The following RNF213 variants were observed in gnomAD, a reference collection of about 807,000 sequenced individuals.
RNF213 encodes the protein ring finger protein 213.
In RNF213, 341 loss-of-function variants were observed where a neutral mutation model predicts 514.4. That is an observed-to-expected ratio of 0.66 (90% CI 0.61 to 0.73). The LOEUF is 0.73. RNF213 is among the 30% of genes least tolerant of loss of function. The probability of loss-of-function intolerance (pLI) is 0.00; values close to 1 mark genes in which losing one functional copy is unlikely to be tolerated. For synonymous variants in RNF213, 2,655 were observed against 2,658.2 expected, an observed-to-expected ratio of 1.00 and a Z score of 0.04; for missense variants, 5,767 against 6,615.6, an observed-to-expected ratio of 0.87 and a Z score of 4.45.
At chr17:80,265,737 A>G (rs1184105540) in intron 2 of RNF213, among the ~76,000 whole-genome samples, 1 of 152,194 alleles carries the variant, frequency 6.6e-6, no homozygotes, top group Non-Finnish European at 1.5e-5. Flanking sequence ...TTAAAATGAA[A>G]GCTGAGCTTC....
At position 80,353,115 on chromosome 17, in the gene RNF213, G is replaced by T; in HGVS notation, c.10423+56G>T. ...CAGGTGGTGGAAGGGCAGATGGCAG[G>T]TGTGGAGCGTGGCGTGCACATGGCA... On this transcript the variant is annotated intron_variant, in intron 33 of 67. Coordinates refer to ENST00000582970, the MANE Select transcript of RNF213 (RefSeq NM_001256071.3). The surrounding 1 kb of genome is among the most constrained non-coding windows in gnomAD (Gnocchi z 5.0). The T allele has an allele frequency of 1.2e-6, 2 of 1,602,946 alleles. No homozygotes were observed. The highest frequency in any genetic ancestry group is 2.2e-5 in the South Asian group (2 of 91,056).
At chr17:80,341,543 G>C (rs999826124) in intron 26 of RNF213, 2 of 152,102 alleles carry the variant, frequency 1.3e-5, no homozygotes, top group Non-Finnish European at 2.9e-5. Context: ...AGCAGACCAC[G>C]TATATGACCA....
intron 57 of RNF213, chr17:80,382,399 CAATAAT>C (rs2080051856): frequency 6.3e-6 from 1 of 158,146 alleles, no homozygotes; most frequent in Non-Finnish European, 1.4e-5. Context: ...AAAATAATAA[CAATAAT>C]AGCAAGAAGA....
chr17:80,384,058 A>T (rs990243252), intron 59 of RNF213, 130 bp downstream of exon 59: 52 of 1,141,766 alleles, frequency 4.6e-5, no homozygotes, highest in Admixed American at 3.0e-4. Flanking sequence ...TTTGAATAGG[A>T]TGTAGCAGAA....
chr17:80,261,804 A>G (rs1360721669), intron 1 of RNF213, among the ~76,000 whole-genome samples: 1 of 152,026 alleles, frequency 6.6e-6, no homozygotes, highest in African/African-American at 2.4e-5. Context: ...GGGTCACCTG[A>G]GGTCGGGAGT....
rs754358908 is a variant in RNF213, at chr17:80,345,289, C to A, written c.6954C>A (p.Ile2318=). The A allele has an allele frequency of 6.2e-7, 1 of 1,613,994 alleles. No homozygotes were observed. The highest frequency in any genetic ancestry group is 8.5e-7 in the Non-Finnish European group (1 of 1,180,032). Residue 2318 remains isoleucine (I), a synonymous_variant, in exon 29 of 68, where the codon ATC becomes ATA. Transcript: ENST00000582970. The surrounding 1 kb of genome is among the most constrained non-coding windows in gnomAD (Gnocchi z 6.0). ...ACGACCACACAACCATGACATTCAT[C>A]GGCTTCCATCTGCAGCCCAACATCA... ...FNDDHTTMTF[I]GFHLQPNING...
chr17:80,378,014 G>A (rs2079832016), intron 54 of RNF213, among the ~76,000 whole-genome samples: 1 of 152,172 alleles, frequency 6.6e-6, no homozygotes, highest in South Asian at 2.1e-4. Flanking sequence ...TGGCTCTGCG[G>A]CGTGGGCTGT....
rs1174782285 is a variant in RNF213, at chr17:80,393,531, G to T, written c.*33G>T. The T allele has an allele frequency of 6.2e-7, 1 of 1,611,582 alleles. No individual in the cohort carries two copies. The highest frequency in any genetic ancestry group is 8.5e-7 in the Non-Finnish European group (1 of 1,178,614). ...TCCTCAGCTATCTTTGGATGACTTTGGAGAGAAGACTCCTCTCTCCTCGTC... is the reference window on the plus strand; with the variant it reads ...TCCTCAGCTATCTTTGGATGACTTTTGAGAGAAGACTCCTCTCTCCTCGTC... On this transcript the variant is annotated 3_prime_UTR_variant, in exon 68 of 68. Transcript: ENST00000582970.
In RNF213 at chr17:80,301,751, G is replaced by C. The variant is rs560253467; in HGVS notation, c.2210+3233G>C. On this transcript the variant is annotated intron_variant, in intron 11 of 67. Coordinates refer to ENST00000582970, the MANE Select transcript of RNF213 (RefSeq NM_001256071.3). ...AAGGTTCCTGAAGAAACTAAAAATA[G>C]AACTACTGTATGATCCAGCAATCGT... Among the ~76,000 whole-genome samples the C allele has an allele frequency of 2.6e-5, 4 of 152,290 alleles. No individual in the cohort carries two copies. In the East Asian group the frequency reaches 7.7e-4, roughly 29 times the overall value.
In RNF213 at chr17:80,290,636, C is replaced by A; in HGVS notation, c.1179C>A (p.Phe393Leu). 1 of 1,614,160 alleles carries A rather than the reference C, an allele frequency of 6.2e-7. No individual in the cohort carries two copies. The highest frequency in any genetic ancestry group is 8.5e-7 in the Non-Finnish European group (1 of 1,180,028). ...CCATCATCTCTCTTCATTTCCCATT[C>A]AATCCTGACCTCCATAAAGTCTTCA... ...FHAIISLHFP[F>L]NPDLHKVFIR... Residue 393 changes from phenylalanine (F) to leucine (L), a missense_variant, in exon 7 of 68, where the codon TTC becomes TTA. This residue lies in a region of RNF213 where 509 missense variants were observed against 496.7 expected (regional missense o/e 1.02). Coordinates refer to ENST00000582970, the MANE Select transcript of RNF213 (RefSeq NM_001256071.3).
At chr17:80,369,730 T>C in intron 45 of RNF213, 38 bp from the exon 46 acceptor site, 1 of 1,605,066 alleles carries the variant, frequency 6.2e-7, no homozygotes, top group African/African-American at 1.3e-5. Flanking sequence ...CTTCTGCATG[T>C]CTCATGCAGT....
At chr17:80,326,764 A>G (rs1011438880) in intron 18 of RNF213, among the ~76,000 whole-genome samples, 6 of 152,174 alleles carry the variant, frequency 3.9e-5, no homozygotes, top group East Asian at 3.8e-4. Flanking sequence ...ATAATATTCT[A>G]TTGTATGGAT....
intron 13 of RNF213, among the ~76,000 whole-genome samples, chr17:80,307,450 A>G (rs561582575): frequency 7.8e-5 from 11 of 141,194 alleles, no homozygotes; most frequent in South Asian, 6.5e-4. Context: ...TACAACTTCT[A>G]TCTCCTGGTT....
chr17:80,285,963 A>G (rs1162313777), intron 3 of RNF213, among the ~76,000 whole-genome samples: 1 of 151,696 alleles, frequency 6.6e-6, no homozygotes, highest in African/African-American at 2.4e-5. Flanking sequence ...GGCCTGAGCC[A>G]CCGCACCTGA....
chr17:80,394,432 C>T lies in RNF213; in HGVS notation c.*934C>T, dbSNP rs750008439. The T allele has an allele frequency of 6.6e-6, 1 of 152,200 alleles. No homozygotes were observed. Among genetic ancestry groups the T allele is most frequent in the African/African-American group, 2.4e-5 (1 of 41,436 alleles). The allele number at this position is 152,200 out of a possible 1,614,324, so 9.4% of individuals were successfully genotyped here. A position where few individuals can be genotyped will look rare whatever the true frequency, so the allele number is the denominator to read the frequency against. On this transcript the variant is annotated 3_prime_UTR_variant, in exon 68 of 68. Coordinates refer to ENST00000582970, the MANE Select transcript of RNF213 (RefSeq NM_001256071.3). ...TAAAAACTAGGACTCAGAGCACATACAAAACCAGTTATGTTTCGGAAAGAG... is the reference window on the plus strand; with the variant it reads ...TAAAAACTAGGACTCAGAGCACATATAAAACCAGTTATGTTTCGGAAAGAG...
rs1177768605 is a variant in RNF213, at chr17:80,345,007, T to C, written c.6672T>C (p.Tyr2224=). ...ELRNFARFLN[Y]QLRDCEASLF... ...GGAACTTTGCTCGGTTCCTGAATTA[T>C]CAGCTCAGAGATTGTGAGGCCTCTC... Residue 2224 remains tyrosine, a synonymous_variant, in exon 29 of 68, where the codon TAT becomes TAC. Transcript: ENST00000582970. The surrounding 1 kb of genome is among the most constrained non-coding windows in gnomAD (Gnocchi z 6.0). The C allele has an allele frequency of 1.2e-5, 20 of 1,614,042 alleles. No individual in the cohort carries two copies. The highest frequency in any genetic ancestry group is 2.2e-5 in the East Asian group (1 of 44,892).
Position 80,367,828 on chromosome 17 carries a change from A to G in RNF213, c.11952A>G (p.Thr3984=). The part of the protein sequence containing the change: ...VMRTLCECKE[T]ASKTLSRFGI... ...GCACTCTCTGTGAATGCAAGGAGAC[A>G]GCCAGCAAGACCCTCAGCAGGTGAG... Residue 3984 remains threonine, a synonymous_variant, in exon 43 of 68, where the codon ACA becomes ACG. Transcript: ENST00000582970. 6.2e-7 allele frequency: 1 copy of G among 1,614,262 alleles called. No individual in the cohort carries two copies. Among genetic ancestry groups the G allele is most frequent in the Non-Finnish European group, 8.5e-7 (1 of 1,180,036 alleles).
At chr17:80,287,600 G>A (rs1250277467) in intron 3 of RNF213, among the ~76,000 whole-genome samples, 3 of 152,220 alleles carry the variant, frequency 2.0e-5, no homozygotes, top group East Asian at 3.8e-4. Flanking sequence ...CGAGTGTGGC[G>A]AGCGCTTCAA....
chr17:80,318,059 C>T (rs550164696), intron 16 of RNF213, among the ~76,000 whole-genome samples: 23 of 152,250 alleles, frequency 1.5e-4, no homozygotes, highest in African/African-American at 5.3e-4. Context: ...GTCAGGACGT[C>T]TTTCCGAAGT....
Sources: gnomAD v4.1 joint callset for allele counts (sites outside exome capture counted in the v4.1 genomes callset) on GRCh38, gnomAD v4.1.1 for gene constraint, gnomAD v4.1.1 regional missense constraint, Gnocchi (gnomAD v3.1) non-coding constraint, MANE v1.5 for transcripts, NCBI Gene and HGNC (gene_info 2026-07-23, HGNC 2026-07-21) for gene names.